Variants in ACAD11 observed in about 807,000 individuals in gnomAD.
The protein encoded by ACAD11 is acyl-CoA dehydrogenase family member 11.
Under a neutral mutation model 102.2 loss-of-function variants are expected in ACAD11, and 83 were observed. The ratio of observed to expected loss-of-function variants is 0.81; its 90% CI spans 0.68 to 0.97. ACAD11 has a LOEUF of 0.97. Among genes scored for constraint, ACAD11 ranks in the 50% least tolerant of loss-of-function variants. The pLI is 0.00. For missense variants in ACAD11, 901 were observed against 951.7 expected (o/e 0.95, Z 0.70); for synonymous variants, 324 against 319.8 (o/e 1.01, Z -0.14).
At chr3:132,588,383 A>G (rs1937938780) in intron 13 of ACAD11, among the ~76,000 whole-genome samples, 2 of 152,198 alleles carry the variant, frequency 1.3e-5, no homozygotes, top group Non-Finnish European at 2.9e-5. Context: ...TTTCTTATAC[A>G]TTCATTAATA....
In ACAD11 at chr3:132,575,921, C is replaced by T; in HGVS notation, c.1852G>A (p.Gly618Ser). ...VPATNLILGE[G>S]RGFEISQGRL... ...CCTTGGGAAATTTCAAATCCCCTAC[C>T]TTCACCTGGGAAGAAAGGGGAAAAA... The change falls in exon 17 of 20, where the codon GGT becomes AGT. Residue 618 changes from glycine to serine, a missense_variant. Physicochemically the swap from Gly to Ser is moderately conservative, Grantham distance 56. Transcript: ENST00000264990. The T allele has an allele frequency of 6.2e-7, 1 of 1,613,830 alleles. No individual in the cohort carries two copies. The highest frequency in any genetic ancestry group is 1.1e-5 in the South Asian group (1 of 91,050).
Position 132,626,714 on chromosome 3 carries a change from G to T in ACAD11, c.1174C>A (p.Gln392Lys). The T allele has an allele frequency of 6.2e-7, 1 of 1,613,654 alleles. No homozygotes were observed. Among genetic ancestry groups the T allele is most frequent in the Non-Finnish European group, 8.5e-7 (1 of 1,179,926 alleles). ...ACCTTTTCAGCTGGAAGAATGTGTTGTTTCATGAAATGCTTCACCTTAATA... is the reference window on the plus strand; with the variant it reads ...ACCTTTTCAGCTGGAAGAATGTGTTTTTTCATGAAATGCTTCACCTTAATA... ...VLIKVKHFMK[Q>K]HILPAEKEVT... The change falls in exon 9 of 20, where the codon CAA becomes AAA. Residue 392 changes from glutamine to lysine, a missense_variant. Transcript: ENST00000264990.
rs775819634 is a variant in ACAD11 at position 132,642,026 on chromosome 3, T to C, written c.483A>G (p.Ile161Met). 1 of 1,614,092 alleles carries C rather than the reference T, an allele frequency of 6.2e-7. No homozygotes were observed. Among genetic ancestry groups the C allele is most frequent in the South Asian group, 1.1e-5 (1 of 91,084 alleles). Residue 161 changes from isoleucine to methionine, a missense_variant, in exon 4 of 20, where the codon ATA (isoleucine) becomes ATG (methionine). Coordinates refer to ENST00000264990, the MANE Select transcript of ACAD11 (RefSeq NM_032169.5). ...ETLAQLHSLN[I>M]QSLQLEGYGI... ...CATATCCTTCCAGCTGCAGTGACTG[T>C]ATATTCAAGGAATGTAACTGAGCCA... is the stretch of plus-strand genomic sequence containing the variant.
At chr3:132,610,808 G>A (rs1183249750) in intron 11 of ACAD11, among the ~76,000 whole-genome samples, 6 of 152,280 alleles carry the variant, frequency 3.9e-5, no homozygotes, top group East Asian at 1.9e-4. Flanking sequence ...GAAGGAGCTG[G>A]TACCATTCCT....
At chr3:132,578,646 C>A in intron 15 of ACAD11, 150 bp downstream of exon 15, 1 of 697,208 alleles carries the variant, frequency 1.4e-6, no homozygotes, top group Non-Finnish European at 2.3e-6. Context: ...CTACTCTGAA[C>A]TCCACCAGCA....
chr3:132,639,692 A>C, intron 4 of ACAD11, 36 bp from the exon 5 acceptor site: 2 of 1,579,668 alleles, frequency 1.3e-6, no homozygotes, highest in Non-Finnish European at 1.7e-6. Flanking sequence ...GGTAAAGCTG[A>C]AACTGGAATG....
intron 1 of ACAD11, chr3:132,645,965 C>T (rs888652413): frequency 6.6e-6 from 1 of 151,608 alleles, no homozygotes; most frequent in Non-Finnish European, 1.5e-5. Flanking sequence ...TGCTGCAAAC[C>T]ATCAATTGCA....
chr3:132,612,446 G>A (rs1005508377), intron 11 of ACAD11, among the ~76,000 whole-genome samples: 7 of 151,940 alleles, frequency 4.6e-5, no homozygotes, highest in South Asian at 2.1e-4. Context: ...GCAACCTACA[G>A]AATGGGAGAA....
In ACAD11 at chr3:132,654,237, T is replaced by C. The variant is rs537611206; in HGVS notation, c.149+5366A>G. Reference sequence around the variant, plus strand: ...ATTGCTTAATGACAGGGATGTGTTCTGGAAAATATGTTGTTAAGTGATTTT... The same window carrying C: ...ATTGCTTAATGACAGGGATGTGTTCCGGAAAATATGTTGTTAAGTGATTTT... On this transcript the variant is annotated intron_variant, in intron 1 of 19. Coordinates refer to ENST00000264990, the MANE Select transcript of ACAD11 (RefSeq NM_032169.5). 6.6e-5 allele frequency among the ~76,000 whole-genome samples: 10 copies of C among 152,378 alleles called. No homozygotes were observed. The East Asian group carries it at 1.7e-3, about 26-fold the overall frequency.
Position 132,588,827 on chromosome 3 carries a change from T to C in ACAD11, c.1622-9269A>G, listed in dbSNP as rs1937959020. Among the ~76,000 whole-genome samples the C allele has an allele frequency of 2.0e-5, 3 of 152,324 alleles. No homozygotes were observed. In the South Asian group the frequency reaches 6.2e-4, roughly 32 times the overall value. Reference sequence around the variant, plus strand: ...TTCCTAATTTATCCAAACGTCTAAATTTTCAAATTGTTTATCATTGTTTAT... The same window carrying C: ...TTCCTAATTTATCCAAACGTCTAAACTTTCAAATTGTTTATCATTGTTTAT... On this transcript the variant is annotated intron_variant, in intron 13 of 19. Coordinates refer to ENST00000264990, the MANE Select transcript of ACAD11 (RefSeq NM_032169.5).
At chr3:132,609,312 G>A (rs1939004856) in intron 11 of ACAD11, among the ~76,000 whole-genome samples, 1 of 152,008 alleles carries the variant, frequency 6.6e-6, no homozygotes, top group East Asian at 1.9e-4. Flanking sequence ...GAAGGAGATA[G>A]GGACAAGAAA....
At chr3:132,614,762 TG>T (rs1939332304) in intron 11 of ACAD11, among the ~76,000 whole-genome samples, 1 of 152,172 alleles carries the variant, frequency 6.6e-6, no homozygotes, top group Non-Finnish European at 1.5e-5. Context: ...GACATAGGCA[TG>T]GGCAAAGACT....
At chr3:132,652,889 A>T (rs1937609593) in intron 1 of ACAD11, among the ~76,000 whole-genome samples, 1 of 152,172 alleles carries the variant, frequency 6.6e-6, no homozygotes, top group Non-Finnish European at 1.5e-5. Flanking sequence ...TGAAGCAAGG[A>T]TAATGAAAAT....
intron 11 of ACAD11, among the ~76,000 whole-genome samples, chr3:132,611,128 T>G (rs539654861): frequency 3.2e-4 from 48 of 152,114 alleles, no homozygotes; most frequent in Admixed American, 6.5e-4. Context: ...AAAACCACAT[T>G]ATTATCTCAA....
chr3:132,630,573 T>G lies in ACAD11; in HGVS notation c.842-15A>C. On this transcript the variant is annotated splice_polypyrimidine_tract_variant and intron_variant, in intron 6 of 19. Transcript: ENST00000264990. ...TGATGGTATCCCTATAAAAACAGCA[T>G]GTAATATAAACTTTAATTAAAATGT... The G allele has an allele frequency of 6.3e-7, 1 of 1,593,400 alleles. No homozygotes were observed. Among genetic ancestry groups the G allele is most frequent in the Non-Finnish European group, 8.5e-7 (1 of 1,171,048 alleles).
chr3:132,585,189 G>A (rs151070877), intron 13 of ACAD11, among the ~76,000 whole-genome samples: 3,938 of 152,148 alleles, frequency 0.026, 166 homozygotes, highest in African/African-American at 0.089. Context: ...AAATAATGCC[G>A]CATATGTACA....
intron 11 of ACAD11, among the ~76,000 whole-genome samples, chr3:132,614,613 G>T (rs1362301481): frequency 2.0e-5 from 3 of 152,136 alleles, no homozygotes; most frequent in Non-Finnish European, 4.4e-5. Flanking sequence ...GGGAAAACTG[G>T]CTAGCCATAT....
At position 132,631,372 on chromosome 3, in the gene ACAD11, C is replaced by A; in HGVS notation, c.810G>T (p.Met270Ile). 6.6e-7 allele frequency: 1 copy of A among 1,523,722 alleles called. No individual in the cohort carries two copies. Among genetic ancestry groups the A allele is most frequent in the East Asian group, 2.4e-5 (1 of 41,186 alleles). 94.4% of individuals were successfully genotyped at this position (1,523,722 alleles called of 1,614,324 possible). A position where few individuals can be genotyped will look rare whatever the true frequency, so the allele number is the denominator to read the frequency against. Residue 270 changes from methionine to isoleucine, a missense_variant, in exon 6 of 20, where the codon ATG becomes ATT. Physicochemically the swap from Met to Ile is conservative, Grantham distance 10. Coordinates refer to ENST00000264990, the MANE Select transcript of ACAD11 (RefSeq NM_032169.5). Reference protein sequence around the residue: ...LFYFWPRTVPMINQGSYSENS... With the variant: ...LFYFWPRTVPIINQGSYSENS... ...TTTCACTATAAGAACCTTGATTTATCATTGGAACTGTCCTTGGCCAAAAGT... is the reference window on the plus strand; with the variant it reads ...TTTCACTATAAGAACCTTGATTTATAATTGGAACTGTCCTTGGCCAAAAGT...
At chr3:132,569,571 G>C (rs1247170029) in intron 17 of ACAD11, among the ~76,000 whole-genome samples, 3 of 152,144 alleles carry the variant, frequency 2.0e-5, no homozygotes, top group African/African-American at 7.2e-5. Flanking sequence ...CAACCCAGAT[G>C]TCCCTCAACA....
Sources: gnomAD v4.1 joint callset for allele counts (sites outside exome capture counted in the v4.1 genomes callset) on GRCh38, gnomAD v4.1.1 for gene constraint, MANE v1.5 for transcripts, NCBI Gene and HGNC (gene_info 2026-07-23, HGNC 2026-07-21) for gene names.